The following PAM variants were observed in gnomAD, a reference collection of about 807,000 sequenced individuals.
PAM encodes peptidyl-glycine alpha-amidating monooxygenase.
Under a neutral mutation model 122.1 loss-of-function variants are expected in PAM, and 72 were observed. The observed-to-expected ratio is 0.59, with a 90% CI of 0.49 to 0.72. The LOEUF (loss-of-function observed/expected upper bound fraction) is 0.72, where lower values mean the gene tolerates loss of function less well. Ranked by LOEUF, PAM falls within the 30% of genes least tolerant of loss-of-function variation. PAM has a pLI of 0.00. For synonymous variants in PAM, 389 were observed against 404.4 expected, an observed-to-expected ratio of 0.96 and a Z score of 0.46; for missense variants, 1,106 against 1,183.7, an observed-to-expected ratio of 0.93 and a Z score of 0.96.
At chr5:102,827,638 T>C (rs1356686926) in intron 1 of PAM, among the ~76,000 whole-genome samples, 1 of 151,752 alleles carries the variant, frequency 6.6e-6, no homozygotes, top group Non-Finnish European at 1.5e-5. Context: ...AAAATAAAAA[T>C]TACAATATCT....
intron 1 of PAM, among the ~76,000 whole-genome samples, chr5:102,837,482 CTT>C (rs1777410920): frequency 6.6e-6 from 1 of 152,138 alleles, no homozygotes; most frequent in Non-Finnish European, 1.5e-5. Context: ...GTTGTTTAAA[CTT>C]ACACTTCTTG....
At chr5:102,858,978 T>A (rs758192248) in intron 1 of PAM, among the ~76,000 whole-genome samples, 3 of 152,256 alleles carry the variant, frequency 2.0e-5, no homozygotes, top group Non-Finnish European at 4.4e-5. Flanking sequence ...ATTACTCATG[T>A]GTTTGTGGTG....
rs1785465930 is a variant in PAM at position 102,866,090 on chromosome 5, C to G, written c.-106C>G. 4.8e-6 allele frequency: 3 copies of G among 627,438 alleles called. No homozygotes were observed. The highest frequency in any genetic ancestry group is 7.9e-6 in the Non-Finnish European group (3 of 378,216). The allele number at this position is 627,438 out of a possible 1,614,324, so 38.9% of individuals were successfully genotyped here. On this transcript the variant is annotated 5_prime_UTR_variant, in exon 2 of 26. Transcript: ENST00000438793. ...GCCGCCGCAGGACGCCCGCCGTGCC[C>G]GGGCCATGAAGTAGCGGCTGCTGGC...
chr5:102,783,182 T>G (rs1759517743), intron 1 of PAM, among the ~76,000 whole-genome samples: 1 of 151,606 alleles, frequency 6.6e-6, no homozygotes, highest in Admixed American at 6.6e-5. Flanking sequence ...CTACACAGTT[T>G]GTGGGGCCCA....
intron 3 of PAM, among the ~76,000 whole-genome samples, chr5:102,875,906 C>T (rs188675516): frequency 6.6e-6 from 1 of 152,294 alleles, no homozygotes; most frequent in African/African-American, 2.4e-5. Flanking sequence ...TGGATTTAAC[C>T]TTTGGCATCT....
intron 1 of PAM, among the ~76,000 whole-genome samples, chr5:102,820,744 A>G (rs1387697868): frequency 6.6e-6 from 1 of 152,234 alleles, no homozygotes; most frequent in Non-Finnish European, 1.5e-5. Flanking sequence ...CACATGGATA[A>G]GTAATTATAA....
chr5:102,903,560 G>A (rs1187930012), intron 4 of PAM, among the ~76,000 whole-genome samples: 1 of 151,448 alleles, frequency 6.6e-6, no homozygotes, highest in Non-Finnish European at 1.5e-5. Context: ...AGTTTGTATG[G>A]AATTCTCATT....
intron 1 of PAM, among the ~76,000 whole-genome samples, chr5:102,760,894 A>G (rs1163433519): frequency 2.0e-5 from 3 of 152,254 alleles, no homozygotes; most frequent in African/African-American, 7.2e-5. Context: ...GACTGGGACC[A>G]TGTAGCAACA....
At position 102,953,579 on chromosome 5, in the gene PAM, G is replaced by C. The variant is rs77461555; in HGVS notation, c.905+2759G>C. ...GGTGGGAAAGGAGGTAATAGGAATT[G>C]TTGATCAGAGGACATAAAGTTTCAG... On this transcript the variant is annotated intron_variant, in intron 12 of 25. Coordinates refer to ENST00000438793, the MANE Select transcript of PAM (RefSeq NM_001177306.2). Among the ~76,000 whole-genome samples, 979 of 152,272 alleles carry C rather than the reference G, an allele frequency of 6.4e-3. 6 individuals are homozygous for C. The highest frequency in any genetic ancestry group is 0.022 in the African/African-American group (905 of 41,564).
intron 15 of PAM, among the ~76,000 whole-genome samples, chr5:102,988,693 A>G (rs72785712): frequency 0.25 from 37,920 of 148,838 alleles, 5,506 homozygotes; most frequent in East Asian, 0.44. Context: ...GAAAGAAGGA[A>G]AGAAAGAGAA....
At chr5:102,823,283 A>T (rs1445743111) in intron 1 of PAM, among the ~76,000 whole-genome samples, 1 of 152,236 alleles carries the variant, frequency 6.6e-6, no homozygotes, top group Non-Finnish European at 1.5e-5. Flanking sequence ...GAGTAAAATC[A>T]CAATGTTTAC....
At chr5:102,795,487 G>T (rs891034309) in intron 1 of PAM, among the ~76,000 whole-genome samples, 1 of 152,222 alleles carries the variant, frequency 6.6e-6, no homozygotes, top group African/African-American at 2.4e-5. Context: ...TAATTTGCGT[G>T]TACAGATTGC....
intron 7 of PAM, among the ~76,000 whole-genome samples, chr5:102,932,985 C>A (rs190289740): frequency 6.6e-6 from 1 of 152,108 alleles, no homozygotes; most frequent in Admixed American, 6.5e-5. Context: ...ATTCACACAA[C>A]GCACTACATG....
rs765130590 is a variant in PAM, at chr5:103,017,360, T to G, written c.2358T>G (p.Val786=). The G allele has an allele frequency of 1.9e-6, 3 of 1,611,608 alleles. No homozygotes were observed. The African/African-American group carries it at 4.0e-5, about 21-fold the overall frequency. The change falls in exon 22 of 26, where the codon GTT becomes GTG. Residue 786 remains valine (V), a synonymous_variant. Transcript: ENST00000438793. ...RKHFDMPHDI[V]ASEDGTVYIG... is the part of the protein sequence containing the mutation. ...ACTTTGATATGCCTCATGATATTGT[T>G]GCATCTGAAGATGGGACTGTGTACA... is the stretch of plus-strand genomic sequence containing the variant.
At chr5:102,862,650 C>T (rs944283198) in intron 1 of PAM, among the ~76,000 whole-genome samples, 1 of 152,270 alleles carries the variant, frequency 6.6e-6, no homozygotes, top group East Asian at 1.9e-4. Flanking sequence ...CTCAGGCATT[C>T]AATATATATT....
rs71226932 is a variant in PAM at position 103,011,378 on chromosome 5, T to TCACACA, written c.2331+1530_2331+1535dup. On this transcript the variant is annotated intron_variant, in intron 21 of 25. Coordinates refer to ENST00000438793, the MANE Select transcript of PAM (RefSeq NM_001177306.2). ...CATACACACACACACAAACACACAC[T>TCACACA]CACACACACACACACACACACACTC... Among the ~76,000 whole-genome samples, 137 of 148,722 alleles carry TCACACA rather than the reference T, an allele frequency of 9.2e-4. 2 individuals carry two copies. The highest frequency in any genetic ancestry group is 6.8e-3 in the Middle Eastern group (2 of 292).
At chr5:102,797,786 A>G (rs1292952154) in intron 1 of PAM, among the ~76,000 whole-genome samples, 3 of 152,194 alleles carry the variant, frequency 2.0e-5, no homozygotes, top group African/African-American at 7.2e-5. Flanking sequence ...GTTAGAAGCC[A>G]TATAAAGTAC....
intron 14 of PAM, 47 bp from the exon 15 acceptor site, chr5:102,974,069 A>T (rs745484118): frequency 2.2e-6 from 3 of 1,345,732 alleles, no homozygotes; most frequent in South Asian, 1.4e-5. Flanking sequence ...TAAATTTTGC[A>T]ATCTTATCTA....
chr5:102,837,187 A>T (rs1223921236), intron 1 of PAM, among the ~76,000 whole-genome samples: 1 of 152,154 alleles, frequency 6.6e-6, no homozygotes, highest in Non-Finnish European at 1.5e-5. Context: ...GAATACAGTA[A>T]TTATAATGTA....
Sources: allele counts gnomAD v4.1 joint callset (sites outside exome capture counted in the v4.1 genomes callset), GRCh38; gene constraint gnomAD v4.1.1; transcripts MANE v1.5; gene names NCBI Gene and HGNC (gene_info 2026-07-23, HGNC 2026-07-21).